NRXN1: variants seen among roughly 807,000 people sequenced by gnomAD.
NRXN1 encodes neurexin 1, also known as neurexin-1.
NRXN1 carries 39 observed loss-of-function variants against 150.9 expected under a neutral mutation model. The observed-to-expected ratio is 0.26, with a 90% CI of 0.20 to 0.34. The LOEUF (loss-of-function observed/expected upper bound fraction) is 0.34. Among genes scored for constraint, NRXN1 ranks in the 10% least tolerant of loss-of-function variants. NRXN1 has a pLI of 1.00. For synonymous variants in NRXN1, 924 were observed against 757.0 expected, an observed-to-expected ratio of 1.22 and a Z score of -3.62; for missense variants, 1,815 against 1,949.9, an observed-to-expected ratio of 0.93 and a Z score of 1.30.
rs564235318 is a variant in NRXN1 at position 50,533,653 on chromosome 2, T to TA, written c.2144-2224dup. On this transcript the variant is annotated intron_variant, in intron 10 of 22. Transcript: ENST00000401669. ...TCCCTCAACCGTGTTCCTACTTTTT[T>TA]AAACCTACAAAGATCAGTGTGACCC... Among the ~76,000 whole-genome samples the TA allele has an allele frequency of 5.3e-5, 8 of 152,280 alleles. No individual in the cohort carries two copies. In the East Asian group the frequency reaches 1.5e-3, roughly 29 times the overall value.
chr2:50,597,060 T>C (rs951481711), intron 8 of NRXN1, among the ~76,000 whole-genome samples: 3 of 151,904 alleles, frequency 2.0e-5, no homozygotes, highest in African/African-American at 7.3e-5. Flanking sequence ...ACCAGGCTGA[T>C]CTCTAACTCC....
intron 21 of NRXN1, among the ~76,000 whole-genome samples, chr2:50,043,497 T>C (rs563542848): frequency 1.8e-4 from 27 of 152,146 alleles, no homozygotes; most frequent in African/African-American, 6.5e-4. Context: ...TCTGAAAAAA[T>C]AGAGATTAGA....
chr2:50,859,603 A>ATT (rs138989252), intron 5 of NRXN1, among the ~76,000 whole-genome samples: 15 of 144,358 alleles, frequency 1.0e-4, no homozygotes, highest in Non-Finnish European at 1.5e-4. Flanking sequence ...GGTTACAGGT[A>ATT]TTTTTTTTTT....
At chr2:50,933,606 G>C (rs1335107353) in intron 2 of NRXN1, among the ~76,000 whole-genome samples, 2 of 152,084 alleles carry the variant, frequency 1.3e-5, no homozygotes, top group Non-Finnish European at 2.9e-5. Context: ...GTAGTTATTT[G>C]AGTTAATGTC....
At chr2:50,047,630 A>G (rs1692030887) in intron 21 of NRXN1, among the ~76,000 whole-genome samples, 1 of 152,032 alleles carries the variant, frequency 6.6e-6, no homozygotes, top group African/African-American at 2.4e-5. Context: ...CATCTCGAAT[A>G]CTTTACGCAC....
At position 50,386,998 on chromosome 2, in the gene NRXN1, G is replaced by A. The variant is rs116388739; in HGVS notation, c.3364+78444C>T. On this transcript the variant is annotated intron_variant, in intron 17 of 22. Transcript: ENST00000401669. ...CTGAGTGATCTAGTGCATAGTATCC[G>A]AAGTTTTTTTCTAAAGTTAGCATTC... 3.5e-3 allele frequency among the ~76,000 whole-genome samples: 527 copies of A among 152,224 alleles called. 1 individual carries two copies. Among genetic ancestry groups the A allele is most frequent in the African/African-American group, 0.012 (506 of 41,556 alleles).
Position 50,109,140 on chromosome 2 carries a change from A to G in NRXN1, c.3547-17646T>C, listed in dbSNP as rs535390448. Reference sequence around the variant, plus strand: ...CTGTGTGATGGATACATTAAAAATTATTATGTTATTTTCTTTGTGTTAGAA... The same window carrying G: ...CTGTGTGATGGATACATTAAAAATTGTTATGTTATTTTCTTTGTGTTAGAA... On this transcript the variant is annotated intron_variant, in intron 18 of 22. Transcript: ENST00000401669. Among the ~76,000 whole-genome samples the G allele has an allele frequency of 3.2e-4, 48 of 152,288 alleles. No homozygotes were observed. In the South Asian group the frequency reaches 1.0e-2, roughly 32 times the overall value.
At chr2:50,060,348 T>C (rs1047067137) in intron 19 of NRXN1, among the ~76,000 whole-genome samples, 1 of 152,226 alleles carries the variant, frequency 6.6e-6, no homozygotes, top group Non-Finnish European at 1.5e-5. Context: ...TTGGAACAGA[T>C]ATATTTACCC....
intron 17 of NRXN1, among the ~76,000 whole-genome samples, chr2:50,389,452 T>G (rs1490959854): frequency 6.6e-6 from 1 of 151,934 alleles, no homozygotes; most frequent in East Asian, 1.9e-4. Flanking sequence ...TGGTTAATAA[T>G]AATAACTGGT....
intron 17 of NRXN1, among the ~76,000 whole-genome samples, chr2:50,281,574 G>C (rs2071470370): frequency 6.6e-6 from 1 of 151,918 alleles, no homozygotes; most frequent in Non-Finnish European, 1.5e-5. Flanking sequence ...ATAAATATGA[G>C]ATACTGTTAT....
intron 17 of NRXN1, among the ~76,000 whole-genome samples, chr2:50,301,270 A>T: frequency 6.6e-6 from 1 of 152,200 alleles, no homozygotes; most frequent in East Asian, 1.9e-4. Context: ...GAGTGCTTTT[A>T]CTATATTAAC....
chr2:50,430,034 C>G (rs1182289042), intron 17 of NRXN1, among the ~76,000 whole-genome samples: 2 of 152,112 alleles, frequency 1.3e-5, no homozygotes, highest in Non-Finnish European at 2.9e-5. Context: ...TTTAACCTAC[C>G]TGACTCAGCC....
chr2:50,629,147 AT>A (rs888275037), intron 5 of NRXN1, among the ~76,000 whole-genome samples: 6 of 151,856 alleles, frequency 4.0e-5, no homozygotes, highest in Admixed American at 3.9e-4. Context: ...AAATACACAT[AT>A]CATCAGAATA....
At chr2:49,999,047 C>G (rs1683477373) in intron 21 of NRXN1, among the ~76,000 whole-genome samples, 1 of 144,328 alleles carries the variant, frequency 6.9e-6, no homozygotes, top group African/African-American at 2.5e-5. Flanking sequence ...TGGGGATCTT[C>G]TTAAAATTCA....
chr2:50,163,225 C>T (rs1234688661), intron 18 of NRXN1, among the ~76,000 whole-genome samples: 1 of 148,528 alleles, frequency 6.7e-6, no homozygotes, highest in Admixed American at 6.7e-5. Context: ...AATTTTGAAA[C>T]TAACATGAAT....
At chr2:50,251,004 A>T (rs1300806149) in intron 17 of NRXN1, among the ~76,000 whole-genome samples, 1 of 108,392 alleles carries the variant, frequency 9.2e-6, no homozygotes, top group African/African-American at 3.6e-5. Flanking sequence ...TACACATTGC[A>T]TATGTGTAAT....
chr2:50,782,363 G>C (rs533104122), intron 5 of NRXN1, among the ~76,000 whole-genome samples: 8 of 152,004 alleles, frequency 5.3e-5, no homozygotes, highest in East Asian at 1.9e-4. Flanking sequence ...CCAGCTACTC[G>C]GGAGGCTGAG....
chr2:50,387,446 C>T (rs2081400582), intron 17 of NRXN1, among the ~76,000 whole-genome samples: 1 of 152,146 alleles, frequency 6.6e-6, no homozygotes, highest in Non-Finnish European at 1.5e-5. Context: ...GCCCCAACTA[C>T]TTACAGTGAA....
chr2:50,673,512 G>A (rs1306509720), intron 5 of NRXN1, among the ~76,000 whole-genome samples: 1 of 151,964 alleles, frequency 6.6e-6, no homozygotes, highest in Non-Finnish European at 1.5e-5. Flanking sequence ...ACAAGAGAAA[G>A]GTAATCTTCA....
Sources: allele counts gnomAD v4.1 joint callset (sites outside exome capture counted in the v4.1 genomes callset), GRCh38; gene constraint gnomAD v4.1.1; transcripts MANE v1.5; gene names NCBI Gene and HGNC (gene_info 2026-07-23, HGNC 2026-07-21).